CEP55: variants seen among roughly 807,000 people sequenced by gnomAD.
CEP55 encodes the protein centrosomal protein of 55 kDa.
CEP55 carries 57 observed loss-of-function variants against 63.2 expected under a neutral mutation model. The observed-to-expected ratio is 0.90, with a 90% CI of 0.73 to 1.13. The LOEUF is 1.13. Among genes scored for constraint, CEP55 ranks in the 50% most tolerant of loss-of-function variants. The pLI is 0.00. For synonymous variants in CEP55, 178 were observed against 191.6 expected (o/e 0.93, Z 0.59); for missense variants, 456 against 518.9 (o/e 0.88, Z 1.18).
chr10:93,518,910 C>G lies in CEP55; in HGVS notation c.1027C>G (p.Gln343Glu). 1 of 1,612,460 alleles carries G rather than the reference C, an allele frequency of 6.2e-7. No individual in the cohort carries two copies. ...QFLYTSLLKQ[Q>E]EEQTRVALLE... ...TCTTTACACATCTCTGCTAAAGCAG[C>G]AAGAAGAACAAACAAGGGTAGCTCT... The change falls in exon 7 of 9, where the codon CAA becomes GAA. Residue 343 changes from glutamine to glutamate, a missense_variant. Transcript: ENST00000371485.
chr10:93,512,245 C>T (rs1441170587), intron 4 of CEP55, among the ~76,000 whole-genome samples: 2 of 49,816 alleles, frequency 4.0e-5, no homozygotes, highest in East Asian at 8.1e-4. Context: ...AAAAAATTGG[C>T]CGGGCTCAGT....
chr10:93,517,128 G>A lies in CEP55; in HGVS notation c.873G>A (p.Val291=), dbSNP rs2057812442. 2 of 1,612,604 alleles carry A rather than the reference G, an allele frequency of 1.2e-6. No homozygotes were observed. The highest frequency in any genetic ancestry group is 1.1e-5 in the South Asian group (1 of 91,056). The change falls in exon 6 of 9, where the codon GTG becomes GTA. Residue 291 remains valine, a synonymous_variant. Transcript: ENST00000371485. ...TGTATTCACAAAGAAGGGCAGATGTGCAACATCTGGAAGATGATAGGCATA... is the reference window on the plus strand; with the variant it reads ...TGTATTCACAAAGAAGGGCAGATGTACAACATCTGGAAGATGATAGGCATA... ...QLLYSQRRAD[V]QHLEDDRHKT...
Position 93,517,204 on chromosome 10 carries a change from A to C in CEP55, c.949A>C (p.Lys317Gln). The C allele has an allele frequency of 6.2e-7, 1 of 1,609,526 alleles. No individual in the cohort carries two copies. The highest frequency in any genetic ancestry group is 8.5e-7 in the Non-Finnish European group (1 of 1,178,144). The part of the protein sequence containing the change: ...LREENDIARG[K>Q]LEEEKKRSEE... ...GGAAGAGAATGATATTGCTAGGGGAAAACTTGAAGAAGAGAAGAAGAGATC... is the reference window on the plus strand; with the variant it reads ...GGAAGAGAATGATATTGCTAGGGGACAACTTGAAGAAGAGAAGAAGAGATC... The change falls in exon 6 of 9, where the codon AAA (lysine) becomes CAA (glutamine). Residue 317 changes from lysine (K) to glutamine (Q), a missense_variant. By Grantham distance (53) the Lys-to-Gln change is moderately conservative (BLOSUM62 1). Transcript: ENST00000371485.
At chr10:93,499,518 C>CTTTTT in intron 1 of CEP55, among the ~76,000 whole-genome samples, 1 of 120,636 alleles carries the variant, frequency 8.3e-6, no homozygotes, top group Non-Finnish European at 1.7e-5. Context: ...TACAAGTTGA[C>CTTTTT]TTTTTTTTTT....
At chr10:93,501,087 G>C (rs1023136272) in intron 2 of CEP55, among the ~76,000 whole-genome samples, 12 of 152,224 alleles carry the variant, frequency 7.9e-5, no homozygotes, top group African/African-American at 2.9e-4. Flanking sequence ...AATCAGATCT[G>C]TCCATTTCAG....
chr10:93,501,676 A>G (rs1274144953), intron 2 of CEP55, among the ~76,000 whole-genome samples: 1 of 152,206 alleles, frequency 6.6e-6, no homozygotes, highest in African/African-American at 2.4e-5. Context: ...TCAAAAAAAA[A>G]ATAAATAAAT....
chr10:93,509,682 C>T (rs967279172), intron 4 of CEP55, among the ~76,000 whole-genome samples: 1 of 152,050 alleles, frequency 6.6e-6, no homozygotes, highest in African/African-American at 2.4e-5. Context: ...GACAGGGTTT[C>T]GCCATGTTGG....
At chr10:93,505,800 T>A (rs1488545909) in intron 3 of CEP55, among the ~76,000 whole-genome samples, 1 of 152,184 alleles carries the variant, frequency 6.6e-6, no homozygotes, top group Non-Finnish European at 1.5e-5. Context: ...AGAGAAATAA[T>A]TTTTGAGTTC....
chr10:93,509,956 G>A (rs1564763737), intron 4 of CEP55, among the ~76,000 whole-genome samples: 1 of 152,148 alleles, frequency 6.6e-6, no homozygotes, highest in Non-Finnish European at 1.5e-5. Context: ...GCTTTTGAGA[G>A]CTCAGCAGTT....
chr10:93,503,885 G>T (rs1297646386), intron 3 of CEP55, among the ~76,000 whole-genome samples: 1 of 152,048 alleles, frequency 6.6e-6, no homozygotes, highest in East Asian at 1.9e-4. Flanking sequence ...GTACTTGCCA[G>T]CTCTGTGACT....
chr10:93,499,429 T>A (rs989224109), intron 1 of CEP55, among the ~76,000 whole-genome samples: 5 of 152,198 alleles, frequency 3.3e-5, no homozygotes, highest in African/African-American at 1.2e-4. Flanking sequence ...GACCCCTTCA[T>A]TGTTTTTTAA....
intron 8 of CEP55, among the ~76,000 whole-genome samples, chr10:93,523,040 A>G (rs2057880226): frequency 6.6e-6 from 1 of 152,232 alleles, no homozygotes; most frequent in South Asian, 2.1e-4. Flanking sequence ...GTAAAGAGCA[A>G]AATAACCAGC....
chr10:93,501,039 T>C (rs1367595377), intron 2 of CEP55, among the ~76,000 whole-genome samples: 1 of 152,238 alleles, frequency 6.6e-6, no homozygotes, highest in Admixed American at 6.5e-5. Flanking sequence ...CCAATAGTTA[T>C]ATAATCTGGT....
intron 8 of CEP55, among the ~76,000 whole-genome samples, chr10:93,523,232 G>C (rs1034081289): frequency 6.6e-6 from 1 of 152,020 alleles, no homozygotes; most frequent in African/African-American, 2.4e-5. Context: ...CAAAACAAAG[G>C]GATTGAGGAA....
chr10:93,526,868 G>A (rs1180773518), intron 8 of CEP55, among the ~76,000 whole-genome samples: 3 of 152,118 alleles, frequency 2.0e-5, no homozygotes. Flanking sequence ...TCACTCATAG[G>A]TGGGATTTGA....
Position 93,512,536 on chromosome 10 carries a change from A to AT in CEP55, c.529-2869_529-2868insT, listed in dbSNP as rs1491362378. Among the ~76,000 whole-genome samples the AT allele has an allele frequency of 3.3e-3, 453 of 139,072 alleles. 1 individual carries two copies. The highest frequency in any genetic ancestry group is 0.011 in the African/African-American group (431 of 38,872). 91.2% of individuals were successfully genotyped at this position (139,072 alleles called of 152,430 possible). ...TCTCAAAAAAAAAAAAAAAAAAAAA[A>AT]ATTTCATGACCATTTAATTTTGACT... On this transcript the variant is annotated intron_variant, in intron 4 of 8. Coordinates refer to ENST00000371485, the MANE Select transcript of CEP55 (RefSeq NM_018131.5).
rs1589657070 is a variant in CEP55 at position 93,519,694 on chromosome 10, A to G, written c.1078A>G (p.Thr360Ala). 2 of 1,614,168 alleles carry G rather than the reference A, an allele frequency of 1.2e-6. No individual in the cohort carries two copies. Among genetic ancestry groups the G allele is most frequent in the Middle Eastern group, 3.3e-4 (2 of 6,062 alleles). ...GGGCCTTTTCCAGATGCAGGCATGT[A>G]CTTTAGACTTTGAAAATGAAAAACT... is the stretch of plus-strand genomic sequence containing the variant. ...ALLEQQMQAC[T>A]LDFENEKLDR... The change falls in exon 8 of 9, where the codon ACT becomes GCT. Residue 360 changes from threonine (T) to alanine (A), a missense_variant. Thr to Ala is a moderately conservative substitution (Grantham distance 58). Coordinates refer to ENST00000371485, the MANE Select transcript of CEP55 (RefSeq NM_018131.5).
rs368022664 is a variant in CEP55 at position 93,521,879 on chromosome 10, A to C, written c.1191+2072A>C. ...GCAAACTCCAAAAGACCTGCATCTG[A>C]GGGTCCTGACTGTTAGAAGGAAAAC... On this transcript the variant is annotated intron_variant, in intron 8 of 8. Transcript: ENST00000371485. 5.9e-5 allele frequency among the ~76,000 whole-genome samples: 9 copies of C among 152,354 alleles called. No homozygotes were observed. In the South Asian group the frequency reaches 1.9e-3, roughly 32 times the overall value.
Position 93,519,586 on chromosome 10 carries a change from T to C in CEP55, c.1066-96T>C, listed in dbSNP as rs977118925. Reference sequence around the variant, plus strand: ...TCTTGCTACGATGGTACAATAAATATTTTCTTCATGTGCTAATAAAAAAAT... The same window carrying C: ...TCTTGCTACGATGGTACAATAAATACTTTCTTCATGTGCTAATAAAAAAAT... On this transcript the variant is annotated intron_variant, in intron 7 of 8. Coordinates refer to ENST00000371485, the MANE Select transcript of CEP55 (RefSeq NM_018131.5). 3.9e-5 allele frequency: 53 copies of C among 1,347,002 alleles called. No individual in the cohort carries two copies. In the Middle Eastern group the frequency reaches 5.6e-4, roughly 14 times the overall value. 83.4% of individuals were successfully genotyped at this position (1,347,002 alleles called of 1,614,324 possible).
Sources: allele counts gnomAD v4.1 joint callset (sites outside exome capture counted in the v4.1 genomes callset), GRCh38; gene constraint gnomAD v4.1.1; transcripts MANE v1.5; gene names NCBI Gene and HGNC (gene_info 2026-07-23, HGNC 2026-07-21).